The following GDI2 variants were observed in gnomAD, a reference collection of about 807,000 sequenced individuals.
GDI2 encodes the protein rab GDP dissociation inhibitor beta.
A neutral mutation model predicts 54.2 loss-of-function variants in GDI2; 22 were observed. That is an observed-to-expected ratio of 0.41 (90% confidence interval 0.29 to 0.58). The LOEUF (loss-of-function observed/expected upper bound fraction) is 0.58. GDI2 is among the 20% of genes least tolerant of loss of function. The pLI is 0.35. For synonymous variants in GDI2, 177 were observed against 182.1 expected (o/e 0.97, Z 0.23); for missense variants, 422 against 546.0 (o/e 0.77, Z 2.26).
intron 4 of GDI2, among the ~76,000 whole-genome samples, chr10:5,792,868 T>C (rs1841047262): frequency 6.6e-6 from 1 of 150,864 alleles, no homozygotes; most frequent in Non-Finnish European, 1.5e-5. Context: ...CAAACGATAA[T>C]TTCTATTAGA....
At chr10:5,771,289 AT>A (rs1194481940) in intron 7 of GDI2, among the ~76,000 whole-genome samples, 1 of 152,222 alleles carries the variant, frequency 6.6e-6, no homozygotes, top group African/African-American at 2.4e-5. Context: ...AAGTTTTAGA[AT>A]TGGGCAGATC....
At chr10:5,807,754 G>T (rs762071624) in intron 1 of GDI2, among the ~76,000 whole-genome samples, 5 of 152,156 alleles carry the variant, frequency 3.3e-5, no homozygotes, top group African/African-American at 4.8e-5. Flanking sequence ...CGATACTGAC[G>T]TTCTCTTCCT....
chr10:5,804,767 C>A (rs1841340608), intron 1 of GDI2, among the ~76,000 whole-genome samples: 1 of 151,810 alleles, frequency 6.6e-6, no homozygotes, highest in Non-Finnish European at 1.5e-5. Flanking sequence ...AGTACCACAG[C>A]AGAGTTGGGC....
rs772086380 is a variant in GDI2, at chr10:5,766,232, C to CA, written c.1191+8dup. 6.2e-7 allele frequency: 1 copy of CA among 1,612,270 alleles called. No individual in the cohort carries two copies. Among genetic ancestry groups the CA allele is most frequent in the African/African-American group, 1.3e-5 (1 of 74,902 alleles). Reference sequence around the variant, plus strand: ...ACCTGCCCATATCCTTTCACACTTCCATACTCACCTGGCTTTCTGTTCCCA... The same window carrying CA: ...ACCTGCCCATATCCTTTCACACTTCCAATACTCACCTGGCTTTCTGTTCCCA... On this transcript the variant is annotated intron_variant, in intron 10 of 10. Coordinates refer to ENST00000380191, the MANE Select transcript of GDI2 (RefSeq NM_001494.4). The surrounding 1 kb of genome is among the most constrained non-coding windows in gnomAD (Gnocchi z 5.8).
intron 2 of GDI2, among the ~76,000 whole-genome samples, chr10:5,798,588 C>CA (rs534853983): frequency 0.018 from 1,691 of 95,104 alleles, 10 homozygotes; most frequent in Non-Finnish European, 0.021. Flanking sequence ...GACTCCATCT[C>CA]AAAAAAAAAA....
intron 1 of GDI2, among the ~76,000 whole-genome samples, chr10:5,806,098 T>C (rs1253939522): frequency 6.6e-6 from 1 of 152,238 alleles, no homozygotes; most frequent in Admixed American, 6.5e-5. Context: ...CAACAGATAT[T>C]ACCAAACAGC....
intron 1 of GDI2, among the ~76,000 whole-genome samples, chr10:5,807,342 A>AT (rs1841398303): frequency 6.6e-6 from 1 of 152,234 alleles, no homozygotes; most frequent in Non-Finnish European, 1.5e-5. Flanking sequence ...AGCAAAGCAC[A>AT]TTAAAGCCAT....
At chr10:5,800,082 T>G (rs915076108) in intron 2 of GDI2, among the ~76,000 whole-genome samples, 1 of 152,234 alleles carries the variant, frequency 6.6e-6, no homozygotes, top group Non-Finnish European at 1.5e-5. Flanking sequence ...TCCATATACG[T>G]AGGTGTTCAA....
At position 5,765,922 on chromosome 10, in the gene GDI2, C is replaced by T. The variant is rs1215764794; in HGVS notation, c.*84G>A. On this transcript the variant is annotated 3_prime_UTR_variant, in exon 11 of 11. Transcript: ENST00000380191. ...ATTCTCTCCATTTTCATTACAAAAGCAGGCCTTACAATATTGATTTCATTA... is the reference window on the plus strand; with the variant it reads ...ATTCTCTCCATTTTCATTACAAAAGTAGGCCTTACAATATTGATTTCATTA... The T allele has an allele frequency of 4.3e-6, 4 of 929,650 alleles. No homozygotes were observed. The highest frequency in any genetic ancestry group is 4.9e-6 in the Non-Finnish European group (3 of 614,086). The allele number at this position is 929,650 out of a possible 1,614,324, so 57.6% of individuals were successfully genotyped here.
In GDI2 at chr10:5,766,593, T is replaced by C; in HGVS notation, c.1037A>G (p.Gln346Arg). The C allele has an allele frequency of 1.2e-6, 2 of 1,613,136 alleles. No homozygotes were observed. The highest frequency in any genetic ancestry group is 1.7e-6 in the Non-Finnish European group (2 of 1,179,050). The change falls in exon 9 of 11, where the codon CAA (glutamine) becomes CGA (arginine). Residue 346 changes from glutamine to arginine, a missense_variant. Physicochemically the swap from Gln to Arg is conservative, Grantham distance 43. Transcript: ENST00000380191. The surrounding 1 kb of genome is among the most constrained non-coding windows in gnomAD (Gnocchi z 5.8). ...ACTAACTATAGCAATGTACTTCCCT[T>C]GTGCTGCTACATTGTGCGCAAAGGA... ...MISFAHNVAA[Q>R]GKYIAIVSTT...
At chr10:5,798,380 G>C (rs1159661846) in intron 2 of GDI2, among the ~76,000 whole-genome samples, 1 of 150,604 alleles carries the variant, frequency 6.6e-6, no homozygotes, top group African/African-American at 2.4e-5. Flanking sequence ...CTGAGACCAG[G>C]AGATCGAGAC....
At chr10:5,783,439 T>C (rs960390514) in intron 6 of GDI2, among the ~76,000 whole-genome samples, 1 of 152,176 alleles carries the variant, frequency 6.6e-6, no homozygotes, top group African/African-American at 2.4e-5. Context: ...TGTAGGCCAT[T>C]TACATTCAAC....
chr10:5,806,359 A>AAGCCCAAGAGTTCAACACC (rs6143757), intron 1 of GDI2, among the ~76,000 whole-genome samples: 144,047 of 151,080 alleles, frequency 0.95, 69,072 homozygotes, highest in Non-Finnish European at 1. Context: ...AGAATCGCTT[A>AAGCCCAAGAGTTCAACACC]AGCCCAGGTA....
Position 5,785,929 on chromosome 10 carries a change from A to G in GDI2, c.510T>C (p.Asp170=). 1 of 1,611,358 alleles carries G rather than the reference A, an allele frequency of 6.2e-7. No individual in the cohort carries two copies. Among genetic ancestry groups the G allele is most frequent in the Non-Finnish European group, 8.5e-7 (1 of 1,177,502 alleles). Residue 170 remains aspartate (D), a synonymous_variant, in exon 5 of 11, where the codon GAT becomes GAC. Transcript: ENST00000380191. The stretch of plus-strand genomic sequence containing the variant: ...GACCCAAATCAAATTTCTTATACAC[A>G]TCTCGCATTGTGGTCTTCTTAGGAT... ...GIDPKKTTMR[D]VYKKFDLGQD...
chr10:5,811,699 G>T (rs1025774040), intron 1 of GDI2, among the ~76,000 whole-genome samples: 7 of 150,894 alleles, frequency 4.6e-5, no homozygotes, highest in African/African-American at 9.8e-5. Flanking sequence ...AGTGGGTAGG[G>T]CCTATTCATT....
rs1159473726 is a variant in GDI2 at position 5,766,759 on chromosome 10, C to G, written c.992-121G>C. 1.4e-6 allele frequency: 1 copy of G among 695,004 alleles called. No individual in the cohort carries two copies. Among genetic ancestry groups the G allele is most frequent in the African/African-American group, 1.8e-5 (1 of 56,472 alleles). The allele number at this position is 695,004 out of a possible 1,614,324, so 43.1% of individuals were successfully genotyped here. On this transcript the variant is annotated intron_variant, in intron 8 of 10. Transcript: ENST00000380191. The surrounding 1 kb of genome is among the most constrained non-coding windows in gnomAD (Gnocchi z 5.8). ...AATTACTCTCAATAGGCAAGATCTT[C>G]TACACTTAAGTTCTAAATGGTGACA...
intron 2 of GDI2, among the ~76,000 whole-genome samples, chr10:5,798,375 A>C (rs1841193861): frequency 6.7e-6 from 1 of 149,352 alleles, no homozygotes; most frequent in African/African-American, 2.5e-5. Context: ...ATCACCTGAG[A>C]CCAGGAGATC....
intron 4 of GDI2, among the ~76,000 whole-genome samples, chr10:5,789,431 G>T (rs1314125929): frequency 6.6e-6 from 1 of 151,804 alleles, no homozygotes; most frequent in African/African-American, 2.4e-5. Flanking sequence ...ATAGGGTCTT[G>T]CTATATAAGG....
In GDI2 at chr10:5,813,332, G is replaced by C; in HGVS notation, c.-74C>G. Reference sequence around the variant, plus strand: ...GCTCCGTGACCACCCTACGAGGCTGGGAGGCGCTCTTGGGCGCGAAGGAAA... The same window carrying C: ...GCTCCGTGACCACCCTACGAGGCTGCGAGGCGCTCTTGGGCGCGAAGGAAA... On this transcript the variant is annotated 5_prime_UTR_variant, in exon 1 of 11. Transcript: ENST00000380191. 1 of 1,141,360 alleles carries C rather than the reference G, an allele frequency of 8.8e-7. No homozygotes were observed. The highest frequency in any genetic ancestry group is 1.3e-6 in the Non-Finnish European group (1 of 786,156). The allele number at this position is 1,141,360 out of a possible 1,614,324, so 70.7% of individuals were successfully genotyped here.
Sources: gnomAD v4.1 joint callset for allele counts (sites outside exome capture counted in the v4.1 genomes callset) on GRCh38, gnomAD v4.1.1 for gene constraint, Gnocchi (gnomAD v3.1) non-coding constraint, MANE v1.5 for transcripts, NCBI Gene and HGNC (gene_info 2026-07-23, HGNC 2026-07-21) for gene names.